The following KLHL1 variants were observed in gnomAD, a reference collection of about 807,000 sequenced individuals.
KLHL1 encodes the protein kelch-like protein 1.
In KLHL1, 47 loss-of-function variants were observed where a neutral mutation model predicts 77.7. The ratio of observed to expected loss-of-function variants is 0.60; its 90% CI spans 0.48 to 0.77. The LOEUF is 0.77. KLHL1 is among the 30% of genes least tolerant of loss of function. The pLI, the probability that KLHL1 is intolerant of heterozygous loss-of-function variation, is 0.00. For synonymous variants in KLHL1, 360 were observed against 325.2 expected (o/e 1.11, Z -1.15); for missense variants, 925 against 910.8 (o/e 1.02, Z -0.20).
intron 3 of KLHL1, among the ~76,000 whole-genome samples, chr13:69,961,000 C>A (rs571342088): frequency 1.3e-5 from 2 of 151,964 alleles, no homozygotes; most frequent in Admixed American, 6.6e-5. Context: ...CTTTCCTAAG[C>A]AAACATGGAC....
rs766377567 is a variant in KLHL1, at chr13:69,831,463, G to C, written c.1414+7513C>G. On this transcript the variant is annotated intron_variant, in intron 6 of 10. Coordinates refer to ENST00000377844, the MANE Select transcript of KLHL1 (RefSeq NM_020866.3). The stretch of plus-strand genomic sequence containing the variant: ...GATTGAAATGGTAATTAAAAAAAGT[G>C]TCAAGAAAACAGAAGTCCAGGACCC... Among the ~76,000 whole-genome samples, 12 of 149,616 alleles carry C rather than the reference G, an allele frequency of 8.0e-5. 1 individual carries two copies. The highest frequency in any genetic ancestry group is 6.9e-3 in the Middle Eastern group (2 of 288).
At chr13:69,960,376 G>A (rs1884027689) in intron 3 of KLHL1, among the ~76,000 whole-genome samples, 3 of 151,972 alleles carry the variant, frequency 2.0e-5, no homozygotes, top group Admixed American at 6.6e-5. Flanking sequence ...ACACCAGTAT[G>A]AAGAATTTAG....
At chr13:69,816,155 G>A in intron 6 of KLHL1, among the ~76,000 whole-genome samples, 1 of 151,708 alleles carries the variant, frequency 6.6e-6, no homozygotes, top group East Asian at 1.9e-4. Context: ...TAATTTTGAT[G>A]TTCACATCTA....
At chr13:69,783,273 CT>C (rs531396449) in intron 7 of KLHL1, among the ~76,000 whole-genome samples, 240 of 152,296 alleles carry the variant, frequency 1.6e-3, no homozygotes, top group African/African-American at 5.4e-3. Context: ...AGCACCTCTC[CT>C]CCTCCAAAGG....
chr13:69,753,865 C>T (rs915042337), intron 7 of KLHL1, among the ~76,000 whole-genome samples: 1 of 151,904 alleles, frequency 6.6e-6, no homozygotes, highest in Non-Finnish European at 1.5e-5. Flanking sequence ...TGAGACCAGT[C>T]TTGCTTTGTC....
intron 2 of KLHL1, among the ~76,000 whole-genome samples, chr13:69,970,518 C>T: frequency 6.6e-6 from 1 of 152,178 alleles, no homozygotes; most frequent in South Asian, 2.1e-4. Flanking sequence ...CTAAAGCACC[C>T]AGATGCTCCT....
At chr13:70,041,463 A>C (rs1167279868) in intron 1 of KLHL1, among the ~76,000 whole-genome samples, 1 of 152,164 alleles carries the variant, frequency 6.6e-6, no homozygotes, top group Non-Finnish European at 1.5e-5. Flanking sequence ...GCCTCCATGG[A>C]CAAGATAAAG....
chr13:69,831,431 G>A (rs1358093746), intron 6 of KLHL1, among the ~76,000 whole-genome samples: 1 of 149,510 alleles, frequency 6.7e-6, no homozygotes, highest in Non-Finnish European at 1.5e-5. Flanking sequence ...CCAATAACAA[G>A]GAGCAAGATT....
intron 1 of KLHL1, among the ~76,000 whole-genome samples, chr13:70,019,998 C>T (rs1885750122): frequency 6.6e-6 from 1 of 151,956 alleles, no homozygotes; most frequent in South Asian, 2.1e-4. Context: ...TCCTTTTTGC[C>T]CTTCTGCCTT....
chr13:70,100,815 A>T (rs1488748423), intron 1 of KLHL1, among the ~76,000 whole-genome samples: 3 of 152,214 alleles, frequency 2.0e-5, no homozygotes, highest in African/African-American at 7.2e-5. Context: ...TTTGTTTTTT[A>T]CAACTACCAC....
At chr13:69,981,208 T>A (rs553579449) in intron 1 of KLHL1, among the ~76,000 whole-genome samples, 33 of 147,442 alleles carry the variant, frequency 2.2e-4, no homozygotes, top group African/African-American at 8.9e-4. Flanking sequence ...TACAATTGTG[T>A]ACATTATGAC....
chr13:69,962,984 A>G (rs1328418427), intron 2 of KLHL1, among the ~76,000 whole-genome samples: 2 of 152,122 alleles, frequency 1.3e-5, no homozygotes, highest in Non-Finnish European at 2.9e-5. Flanking sequence ...ATTTCTTCAT[A>G]TATTCACTTT....
At chr13:69,928,023 G>C (rs916534733) in intron 4 of KLHL1, among the ~76,000 whole-genome samples, 2 of 152,130 alleles carry the variant, frequency 1.3e-5, no homozygotes, top group African/African-American at 4.8e-5. Flanking sequence ...TACAGTTTGG[G>C]CCATGTCCTT....
chr13:69,884,795 C>T (rs1455094922), intron 4 of KLHL1, among the ~76,000 whole-genome samples: 1 of 151,960 alleles, frequency 6.6e-6, no homozygotes, highest in Non-Finnish European at 1.5e-5. Flanking sequence ...GATCAGATTT[C>T]TCTTTTTATT....
rs56689981 is a variant in KLHL1, at chr13:69,751,112, A to ATGTGTGTGTG, written c.1640-10566_1640-10557dup. On this transcript the variant is annotated intron_variant, in intron 7 of 10. Coordinates refer to ENST00000377844, the MANE Select transcript of KLHL1 (RefSeq NM_020866.3). ...TATCTTTCATTCATGTCATGTGTGT[A>ATGTGTGTGTG]TGTGTGTGTGTGTGTGTGTGTGTGT... 2.9e-3 allele frequency among the ~76,000 whole-genome samples: 405 copies of ATGTGTGTGTG among 141,164 alleles called. 2 individuals carry two copies. The highest frequency in any genetic ancestry group is 0.01 in the African/African-American group (389 of 38,494). 92.6% of individuals were successfully genotyped at this position (141,164 alleles called of 152,430 possible). A position where few individuals can be genotyped will look rare whatever the true frequency, so the allele number is the denominator to read the frequency against.
rs1874571032 is a variant in KLHL1 at position 69,753,401 on chromosome 13, C to T, written c.1640-12845G>A. 3.9e-5 allele frequency among the ~76,000 whole-genome samples: 6 copies of T among 152,222 alleles called. No homozygotes were observed. The South Asian group carries it at 1.0e-3, about 26-fold the overall frequency. ...AGAACTGAACTTTCATTCGTTTAAC[C>T]TGGCTCCAGCCTTTAGGACCATTGC... On this transcript the variant is annotated intron_variant, in intron 7 of 10. Transcript: ENST00000377844.
rs185872042 is a variant in KLHL1 at position 69,983,998 on chromosome 13, G to A, written c.498-8196C>T. ...ACATCCCGATCTCTCACTACTTAAA[G>A]TCAACTAAAAATAGGTTAGAGTCTT... is the stretch of plus-strand genomic sequence containing the variant. On this transcript the variant is annotated intron_variant, in intron 1 of 10. Transcript: ENST00000377844. Among the ~76,000 whole-genome samples, 214 of 152,128 alleles carry A rather than the reference G, an allele frequency of 1.4e-3. 1 individual carries two copies. The highest frequency in any genetic ancestry group is 5.0e-3 in the African/African-American group (206 of 41,506).
chr13:69,880,464 T>G (rs574342465), intron 5 of KLHL1, among the ~76,000 whole-genome samples: 2 of 152,290 alleles, frequency 1.3e-5, no homozygotes, highest in African/African-American at 4.8e-5. Context: ...GCTACATTTA[T>G]GTCTATCGCA....
In KLHL1 at chr13:69,944,051, C is replaced by T. The variant is rs76932328; in HGVS notation, c.818-3815G>A. ...GAACTACTACCATCCTCTGAAAGGC[C>T]TGCTTTCAAGGTTTGTTCCAGCTGG... On this transcript the variant is annotated intron_variant, in intron 3 of 10. Transcript: ENST00000377844. Among the ~76,000 whole-genome samples the T allele has an allele frequency of 4.2e-3, 632 of 152,282 alleles. 12 individuals are homozygous for T. In the East Asian group the frequency reaches 0.082, roughly 20 times the overall value.
Sources: allele counts gnomAD v4.1 joint callset (sites outside exome capture counted in the v4.1 genomes callset), GRCh38; gene constraint gnomAD v4.1.1; transcripts MANE v1.5; gene names NCBI Gene and HGNC (gene_info 2026-07-23, HGNC 2026-07-21).